The following SAMD5 variants were observed in gnomAD, a reference collection of about 807,000 sequenced individuals.
The protein encoded by SAMD5 is sterile alpha motif domain containing 5.
In SAMD5, 13 loss-of-function variants were observed where a neutral mutation model predicts 11.3. The observed-to-expected ratio is 1.15, with a 90% confidence interval of 0.75 to 1.83. The LOEUF (loss-of-function observed/expected upper bound fraction) is 1.83. Among genes scored for constraint, SAMD5 ranks in the 40% most tolerant of loss-of-function variants. The pLI is 0.00. For missense variants in SAMD5, 255 were observed against 239.1 expected (o/e 1.07, Z -0.44); for synonymous variants, 129 against 111.3 (o/e 1.16, Z -1.00).
the SAMD5 span, among the ~76,000 whole-genome samples, chr6:147,804,364 C>G: frequency 6.6e-6 from 1 of 152,242 alleles, no homozygotes; most frequent in South Asian, 2.1e-4. Flanking sequence ...CCTGCCTCAG[C>G]CTCCCAAAGT....
the SAMD5 span, among the ~76,000 whole-genome samples, chr6:147,910,336 G>T: frequency 6.6e-6 from 1 of 152,074 alleles, no homozygotes; most frequent in South Asian, 2.1e-4. Flanking sequence ...ACGTCACACC[G>T]CTCTCACTTG....
chr6:147,780,409 T>C, the SAMD5 span, among the ~76,000 whole-genome samples: 1 of 152,140 alleles, frequency 6.6e-6, no homozygotes, highest in Non-Finnish European at 1.5e-5. Context: ...GATTTCACCA[T>C]GTTGACCAGG....
chr6:147,517,654 G>C (rs544270919), intron 1 of SAMD5, among the ~76,000 whole-genome samples: 1 of 152,204 alleles, frequency 6.6e-6, no homozygotes, highest in African/African-American at 2.4e-5. Context: ...CAGTGTTGCT[G>C]TTTCTGTGTT....
At position 147,566,131 on chromosome 6, in the gene SAMD5, G is replaced by A; in HGVS notation, c.*1675G>A. 1 of 980,688 alleles carries A rather than the reference G, an allele frequency of 1.0e-6. No individual in the cohort carries two copies. Among genetic ancestry groups the A allele is most frequent in the Non-Finnish European group, 1.2e-6 (1 of 825,708 alleles). The allele number at this position is 980,688 out of a possible 1,614,324, so 60.7% of individuals were successfully genotyped here. A position where few individuals can be genotyped will look rare whatever the true frequency, so the allele number is the denominator to read the frequency against. ...AAAAATCTGAAGTTTAAATAGTTTA[G>A]CTATTTCTGTAGGTTAATTCAGGCA... On this transcript the variant is annotated 3_prime_UTR_variant, in exon 2 of 2. Coordinates refer to ENST00000367474, the MANE Select transcript of SAMD5 (RefSeq NM_001030060.3).
At chr6:147,587,323 T>G (rs1219498357) in intron 1 of SAMD5, among the ~76,000 whole-genome samples, 1 of 152,126 alleles carries the variant, frequency 6.6e-6, no homozygotes, top group Non-Finnish European at 1.5e-5. Context: ...CTGCAACCTC[T>G]GTCTCCCAGG....
intron 1 of SAMD5, among the ~76,000 whole-genome samples, chr6:147,562,883 C>T (rs954284634): frequency 6.6e-6 from 1 of 152,086 alleles, no homozygotes; most frequent in Non-Finnish European, 1.5e-5. Flanking sequence ...CAGGTAACTT[C>T]CCTTCTCTAT....
the SAMD5 span, among the ~76,000 whole-genome samples, chr6:147,753,231 G>A: frequency 6.6e-6 from 1 of 152,170 alleles, no homozygotes; most frequent in Non-Finnish European, 1.5e-5. Context: ...GAGTTCATGG[G>A]AGGCAGGCCC....
chr6:147,872,747 C>T, the SAMD5 span, among the ~76,000 whole-genome samples: 14 of 152,130 alleles, frequency 9.2e-5, no homozygotes, highest in East Asian at 2.3e-3. Flanking sequence ...ATCACCTACA[C>T]TCAGTCTGAT....
At chr6:147,911,163 A>C in the SAMD5 span, among the ~76,000 whole-genome samples, 2 of 152,136 alleles carry the variant, frequency 1.3e-5, no homozygotes, top group African/African-American at 2.4e-5. Context: ...TCTATGATCT[A>C]TTTTCCTTAA....
intron 1 of SAMD5, among the ~76,000 whole-genome samples, chr6:147,520,715 G>T (rs1262062966): frequency 6.6e-6 from 1 of 152,080 alleles, no homozygotes; most frequent in Non-Finnish European, 1.5e-5. Flanking sequence ...TTTGAAAAAT[G>T]ATTTTCTCCT....
At chr6:147,866,946 A>C in the SAMD5 span, among the ~76,000 whole-genome samples, 1 of 152,196 alleles carries the variant, frequency 6.6e-6, no homozygotes, top group East Asian at 1.9e-4. Flanking sequence ...TTAAAGAAGA[A>C]ATTGAGTTAT....
At chr6:147,551,049 AG>A (rs1276819675) in intron 1 of SAMD5, among the ~76,000 whole-genome samples, 2 of 152,180 alleles carry the variant, frequency 1.3e-5, no homozygotes, top group African/African-American at 2.4e-5. Flanking sequence ...GTGGAAGCAC[AG>A]TAGAGGGGTT....
intron 1 of SAMD5, among the ~76,000 whole-genome samples, chr6:147,631,944 T>A (rs1433629478): frequency 6.6e-6 from 1 of 151,980 alleles, no homozygotes; most frequent in East Asian, 1.9e-4. Flanking sequence ...AAGGAAGAGG[T>A]TATGAAATGA....
intron 1 of SAMD5, among the ~76,000 whole-genome samples, chr6:147,690,347 T>G (rs1476583095): frequency 6.6e-6 from 1 of 152,192 alleles, no homozygotes; most frequent in East Asian, 1.9e-4. Flanking sequence ...TTTAAAAAAA[T>G]TTTAATATAT....
the SAMD5 span, among the ~76,000 whole-genome samples, chr6:147,905,255 C>T: frequency 2.0e-5 from 3 of 151,872 alleles, no homozygotes; most frequent in African/African-American, 7.3e-5. Flanking sequence ...ACAATCTCTG[C>T]TTAGCCTCCG....
At chr6:147,601,550 C>T (rs972990651) in intron 1 of SAMD5, among the ~76,000 whole-genome samples, 4 of 152,064 alleles carry the variant, frequency 2.6e-5, no homozygotes, top group Non-Finnish European at 4.4e-5. Context: ...ATGTCCTGAG[C>T]GCACACTTTG....
rs965506618 is a variant in SAMD5, at chr6:147,568,178, CA to C, written c.*3724del. 1.0e-6 allele frequency: 1 copy of C among 985,082 alleles called. No homozygotes were observed. The highest frequency in any genetic ancestry group is 1.7e-5 in the African/African-American group (1 of 57,146). 61.0% of individuals were successfully genotyped at this position (985,082 alleles called of 1,614,324 possible). A position where few individuals can be genotyped will look rare whatever the true frequency, so the allele number is the denominator to read the frequency against. On this transcript the variant is annotated 3_prime_UTR_variant, in exon 2 of 2. Coordinates refer to ENST00000367474, the MANE Select transcript of SAMD5 (RefSeq NM_001030060.3). Reference sequence around the variant, plus strand: ...TAGCATCTTCTGGGAAGAATCCAACCAAGATACAAAGCAGATGATGGTGGAT... The same window carrying C: ...TAGCATCTTCTGGGAAGAATCCAACCAGATACAAAGCAGATGATGGTGGAT...
At chr6:147,740,502 C>A (rs1318815712), downstream of SAMD5, among the ~76,000 whole-genome samples, 2 of 152,164 alleles carry the variant, frequency 1.3e-5, no homozygotes, top group African/African-American at 4.8e-5. Context: ...TTCATTTTAG[C>A]TAAAACAGAA....
the SAMD5 span, among the ~76,000 whole-genome samples, chr6:147,750,382 C>A: frequency 6.6e-6 from 1 of 152,148 alleles, no homozygotes; most frequent in Non-Finnish European, 1.5e-5. Context: ...ATTATGTTAT[C>A]AATTTATCCT....
Sources: allele counts gnomAD v4.1 joint callset (sites outside exome capture counted in the v4.1 genomes callset), GRCh38; gene constraint gnomAD v4.1.1; transcripts MANE v1.5; gene names NCBI Gene and HGNC (gene_info 2026-07-23, HGNC 2026-07-21).